BCAS3: variants seen among roughly 807,000 people sequenced by gnomAD.
The protein encoded by BCAS3 is BCAS3 microtubule associated cell migration factor.
BCAS3 carries 53 observed loss-of-function variants against 116.1 expected under a neutral mutation model. That is an observed-to-expected ratio of 0.46 (90% confidence interval 0.37 to 0.57). BCAS3 has a LOEUF of 0.57. BCAS3 is among the 20% of genes least tolerant of loss of function. The probability of loss-of-function intolerance (pLI) is 0.00; values close to 1 mark genes in which losing one functional copy is unlikely to be tolerated. For missense variants in BCAS3, 917 were observed against 1,165.4 expected (o/e 0.79, Z 3.10); for synonymous variants, 391 against 408.2 (o/e 0.96, Z 0.51).
intron 13 of BCAS3, among the ~76,000 whole-genome samples, chr17:60,934,212 A>G (rs1382558244): frequency 6.6e-6 from 1 of 152,194 alleles, no homozygotes; most frequent in Non-Finnish European, 1.5e-5. Flanking sequence ...AAAAATGCCC[A>G]GGTCCCACCT....
intron 22 of BCAS3, among the ~76,000 whole-genome samples, chr17:61,221,246 T>A (rs946069305): frequency 2.0e-5 from 3 of 152,214 alleles, no homozygotes; most frequent in African/African-American, 7.2e-5. Context: ...CTAAAGAAGA[T>A]CTCAGAATAC....
chr17:60,856,249 T>A (rs1459505894), intron 7 of BCAS3, among the ~76,000 whole-genome samples: 1 of 152,192 alleles, frequency 6.6e-6, no homozygotes, highest in African/African-American at 2.4e-5. Context: ...AGTTTTTTAT[T>A]AATGGAAGAA....
chr17:60,826,735 C>T (rs1335565631), intron 7 of BCAS3, among the ~76,000 whole-genome samples: 1 of 152,180 alleles, frequency 6.6e-6, no homozygotes, highest in Admixed American at 6.5e-5. Context: ...TTCTTCTCAT[C>T]TCTCCTGAGC....
In BCAS3 at chr17:61,310,140, C is replaced by T. The variant is rs559761519; in HGVS notation, c.2426-58187C>T. Among the ~76,000 whole-genome samples the T allele has an allele frequency of 3.3e-3, 506 of 152,326 alleles. 2 individuals carry two copies. Among genetic ancestry groups the T allele is most frequent in the African/African-American group, 0.012 (480 of 41,570 alleles). On this transcript the variant is annotated intron_variant, in intron 22 of 23. Coordinates refer to ENST00000407086, the MANE Select transcript of BCAS3 (RefSeq NM_017679.5). ...GTGAATGAATCAAAGGCGATCCCTT[C>T]TTTCTCCCTGCTTCCATCTTTCCGG...
chr17:61,260,135 TG>T (rs1474648813), intron 22 of BCAS3, among the ~76,000 whole-genome samples: 1 of 152,226 alleles, frequency 6.6e-6, no homozygotes, highest in Non-Finnish European at 1.5e-5. Flanking sequence ...TTCAAAGCCC[TG>T]TTTCCACTTT....
Position 61,019,973 on chromosome 17 carries a change from A to G in BCAS3, c.1637+4072A>G, listed in dbSNP as rs1329957117. ...GTAGAAAGAGAACACAGAGTGACCC[A>G]CTTATAGACAGGTAAATTATATTCT... On this transcript the variant is annotated intron_variant, in intron 16 of 23. Coordinates refer to ENST00000407086, the MANE Select transcript of BCAS3 (RefSeq NM_017679.5). The surrounding 1 kb of genome is among the most constrained non-coding windows in gnomAD (Gnocchi z 5.6). Among the ~76,000 whole-genome samples, 1 of 152,218 alleles carries G rather than the reference A, an allele frequency of 6.6e-6. No homozygotes were observed. Among genetic ancestry groups the G allele is most frequent in the African/African-American group, 2.4e-5 (1 of 41,454 alleles).
In BCAS3 at chr17:61,045,952, TAA is replaced by T. The variant is rs1295168750; in HGVS notation, c.2029+5062_2029+5063del. On this transcript the variant is annotated intron_variant, in intron 19 of 23. Coordinates refer to ENST00000407086, the MANE Select transcript of BCAS3 (RefSeq NM_017679.5). ...TATATAAATATATATATTATATATA[TAA>T]ATATATATATAATATATATATATTA... 3.0e-4 allele frequency among the ~76,000 whole-genome samples: 4 copies of T among 13,216 alleles called. No individual in the cohort carries two copies. In the South Asian group the frequency reaches 8.0e-3, roughly 26 times the overall value. 8.7% of individuals were successfully genotyped at this position (13,216 alleles called of 152,430 possible).
In BCAS3 at chr17:61,118,476, G is replaced by T. The variant is rs1278333455; in HGVS notation, c.2425+33912G>T. On this transcript the variant is annotated intron_variant, in intron 22 of 23. Transcript: ENST00000407086. This position sits in a 1 kb window ranked among gnomAD's most constrained non-coding sequence, Gnocchi z 5.0. The stretch of plus-strand genomic sequence containing the variant: ...CACCAAAACTGCACGTGTGTGTTAG[G>T]AGGTGGTTCTTGTTAACAGCAGATA... Among the ~76,000 whole-genome samples, 1 of 152,176 alleles carries T rather than the reference G, an allele frequency of 6.6e-6. No individual in the cohort carries two copies. Among genetic ancestry groups the T allele is most frequent in the African/African-American group, 2.4e-5 (1 of 41,428 alleles).
intron 15 of BCAS3, among the ~76,000 whole-genome samples, chr17:61,006,180 T>C (rs1298054281): frequency 6.6e-6 from 1 of 152,178 alleles, no homozygotes; most frequent in East Asian, 1.9e-4. Context: ...GTTGTGGCTA[T>C]ACTTTTTATT....
rs146350035 is a variant in BCAS3 at position 61,116,377 on chromosome 17, A to G, written c.2425+31813A>G. Among the ~76,000 whole-genome samples the G allele has an allele frequency of 6.2e-3, 940 of 152,236 alleles. 7 individuals carry two copies. The highest frequency in any genetic ancestry group is 0.022 in the African/African-American group (896 of 41,550). ...CTTATCACAGTCTACTGGTATCACT[A>G]TTTCACCAATTTGAGTGTAGCCCTT... On this transcript the variant is annotated intron_variant, in intron 22 of 23. Coordinates refer to ENST00000407086, the MANE Select transcript of BCAS3 (RefSeq NM_017679.5).
At chr17:60,704,389 C>G (rs763090036) in intron 4 of BCAS3, among the ~76,000 whole-genome samples, 1 of 152,180 alleles carries the variant, frequency 6.6e-6, no homozygotes, top group African/African-American at 2.4e-5. Context: ...ATGCTGCTAA[C>G]CCCTGAGCCT....
intron 13 of BCAS3, among the ~76,000 whole-genome samples, chr17:60,933,977 C>G (rs2059793057): frequency 6.6e-6 from 1 of 152,150 alleles, no homozygotes; most frequent in Admixed American, 6.5e-5. Context: ...TGTTTGCTCT[C>G]TGTTCATTGT....
chr17:61,192,128 C>G (rs1349590991), intron 22 of BCAS3, among the ~76,000 whole-genome samples: 1 of 151,154 alleles, frequency 6.6e-6, no homozygotes, highest in East Asian at 2.0e-4. Flanking sequence ...TGCCTGTAAT[C>G]CCAGCTACTC....
Position 61,365,236 on chromosome 17 carries a change from C to G in BCAS3, c.2426-3091C>G, listed in dbSNP as rs576754231. Among the ~76,000 whole-genome samples, 6 of 152,292 alleles carry G rather than the reference C, an allele frequency of 3.9e-5. No homozygotes were observed. The highest frequency in any genetic ancestry group is 1.2e-4 in the African/African-American group (5 of 41,554). The stretch of plus-strand genomic sequence containing the variant: ...TTCTCGTGCGTACTGTTACTTTATC[C>G]CTTAAAATATTACATATTCCTCTGG... On this transcript the variant is annotated intron_variant, in intron 22 of 23. Transcript: ENST00000407086. This position sits in a 1 kb window ranked among gnomAD's most constrained non-coding sequence, Gnocchi z 4.6.
intron 13 of BCAS3, among the ~76,000 whole-genome samples, chr17:60,934,634 C>T (rs1448367878): frequency 1.3e-5 from 2 of 152,196 alleles, no homozygotes; most frequent in Non-Finnish European, 2.9e-5. Flanking sequence ...GCCTCCCTCC[C>T]TGGTGGGGGA....
Position 60,870,364 on chromosome 17 carries a change from A to G in BCAS3, c.584+1681A>G, listed in dbSNP as rs147947246. ...GGTGCAGAAGGGACATAAGTAAACT[A>G]TGGTTCACTCCCAGAAGCATAGGCT... On this transcript the variant is annotated intron_variant, in intron 8 of 23. Transcript: ENST00000407086. Among the ~76,000 whole-genome samples the G allele has an allele frequency of 7.8e-4, 119 of 152,278 alleles. 2 individuals are homozygous for G. In the East Asian group the frequency reaches 0.021, roughly 26 times the overall value.
chr17:60,910,384 T>C, intron 11 of BCAS3, 148 bp from the exon 12 acceptor site: 1 of 578,418 alleles, frequency 1.7e-6, no homozygotes. Flanking sequence ...TCATTAAAAG[T>C]CAGACTGAAT....
intron 6 of BCAS3, among the ~76,000 whole-genome samples, chr17:60,770,260 C>T (rs746145486): frequency 5.3e-5 from 8 of 152,022 alleles, no homozygotes; most frequent in East Asian, 1.9e-4. Context: ...GTGGTGGGCA[C>T]GTGGAGCCTT....
chr17:60,956,961 A>T lies in BCAS3; in HGVS notation c.1221+9609A>T, dbSNP rs1400346834. Among the ~76,000 whole-genome samples, 1 of 152,190 alleles carries T rather than the reference A, an allele frequency of 6.6e-6. No homozygotes were observed. The highest frequency in any genetic ancestry group is 1.9e-4 in the East Asian group (1 of 5,202). On this transcript the variant is annotated intron_variant, in intron 14 of 23. Transcript: ENST00000407086. This position sits in a 1 kb window ranked among gnomAD's most constrained non-coding sequence, Gnocchi z 4.2. ...TGACGGTACTTTAATCAGGCAAGGA[A>T]AAAAATTCAGTATGTGTATCTAATT...
Sources: gnomAD v4.1 joint callset for allele counts (sites outside exome capture counted in the v4.1 genomes callset) on GRCh38, gnomAD v4.1.1 for gene constraint, Gnocchi (gnomAD v3.1) non-coding constraint, MANE v1.5 for transcripts, NCBI Gene and HGNC (gene_info 2026-07-23, HGNC 2026-07-21) for gene names.